Variants in CDC25C observed in about 807,000 individuals in gnomAD.
The protein encoded by CDC25C is cell division cycle 25C.
A neutral mutation model predicts 52.5 loss-of-function variants in CDC25C; 48 were observed. That is an observed-to-expected ratio of 0.91 (90% CI 0.72 to 1.16). The LOEUF (loss-of-function observed/expected upper bound fraction) is 1.16. Among genes scored for constraint, CDC25C ranks in the 50% most tolerant of loss-of-function variants. CDC25C has a pLI of 0.00. For missense variants in CDC25C, 510 were observed against 566.1 expected (o/e 0.90, Z 1.01); for synonymous variants, 187 against 206.5 (o/e 0.91, Z 0.81).
At chr5:138,286,677 C>G (rs1756269619) in intron 11 of CDC25C, 47 bp from the exon 12 acceptor site, 1 of 1,559,924 alleles carries the variant, frequency 6.4e-7, no homozygotes, top group Admixed American at 1.8e-5. Context: ...GGCTTATAGA[C>G]AGTGCCAATA....
At chr5:138,319,643 T>C (rs1158517184) in intron 6 of CDC25C, among the ~76,000 whole-genome samples, 1 of 152,184 alleles carries the variant, frequency 6.6e-6, no homozygotes, top group East Asian at 1.9e-4. Context: ...TTGCAAGTCT[T>C]ATATTTGATG....
At position 138,294,317 on chromosome 5, in the gene CDC25C, G is replaced by A. The variant is rs1287778967; in HGVS notation, c.616-2201C>T. On this transcript the variant is annotated intron_variant, in intron 7 of 13. Coordinates refer to ENST00000323760, the MANE Select transcript of CDC25C (RefSeq NM_001790.5). ...AGCAATTCTCCTGCCTCGGCCTCCC[G>A]AGTAGCTGGGATTACAGGTGCCTGC... Among the ~76,000 whole-genome samples the A allele has an allele frequency of 4.4e-4, 67 of 150,706 alleles. 1 individual carries two copies. Among genetic ancestry groups the A allele is most frequent in the African/African-American group, 1.5e-3 (63 of 40,956 alleles).
Position 138,311,703 on chromosome 5 carries a change from T to G in CDC25C, c.615+7516A>C, listed in dbSNP as rs77653161. 6.2e-3 allele frequency among the ~76,000 whole-genome samples: 946 copies of G among 152,218 alleles called. 18 individuals carry two copies. The highest frequency in any genetic ancestry group is 0.022 in the African/African-American group (918 of 41,538). Reference sequence around the variant, plus strand: ...CAAGCAACAAAAAAAGTGGATAAATTAGACTTCATCAAAATTAAAAACTTT... The same window carrying G: ...CAAGCAACAAAAAAAGTGGATAAATGAGACTTCATCAAAATTAAAAACTTT... On this transcript the variant is annotated intron_variant, in intron 7 of 13. Coordinates refer to ENST00000323760, the MANE Select transcript of CDC25C (RefSeq NM_001790.5).
chr5:138,320,058 G>A (rs557666700), intron 6 of CDC25C, among the ~76,000 whole-genome samples: 45 of 152,206 alleles, frequency 3.0e-4, no homozygotes, highest in Non-Finnish European at 5.7e-4. Flanking sequence ...TGTAATCCCA[G>A]TACTTCGGGA....
At chr5:138,297,678 G>A (rs902975607) in intron 7 of CDC25C, among the ~76,000 whole-genome samples, 4 of 152,088 alleles carry the variant, frequency 2.6e-5, no homozygotes, top group African/African-American at 7.2e-5. Context: ...AGCTTGATAC[G>A]TTTTGAGTAC....
chr5:138,318,394 A>C (rs1229809844), intron 7 of CDC25C, among the ~76,000 whole-genome samples: 1 of 152,110 alleles, frequency 6.6e-6, no homozygotes, highest in African/African-American at 2.4e-5. Context: ...TGACTCATAC[A>C]TATCAGGCAT....
chr5:138,285,826 G>A lies in CDC25C; in HGVS notation c.1288C>T (p.Gln430Ter). Residue 430 changes from glutamine to a stop codon, truncating the protein, a stop_gained, in exon 14 of 14, where the codon CAG (glutamine) becomes TAG (stop). Coordinates refer to ENST00000323760, the MANE Select transcript of CDC25C (RefSeq NM_001790.5). LOFTEE classifies it high-confidence loss of function. ...FPEYMELCEP[Q>*]SYCPMHHQDH... The stretch of plus-strand genomic sequence containing the variant: ...TGATGATGCATAGGGCAGTAGCTCT[G>A]TGGTTCACACAGTTCCTGAAAGGTA... 3 of 1,614,184 alleles carry A rather than the reference G, an allele frequency of 1.9e-6. No individual in the cohort carries two copies. Among genetic ancestry groups the A allele is most frequent in the South Asian group, 1.1e-5 (1 of 91,080 alleles).
intron 7 of CDC25C, among the ~76,000 whole-genome samples, chr5:138,310,542 A>G (rs1044884671): frequency 3.3e-5 from 5 of 152,224 alleles, no homozygotes; most frequent in Non-Finnish European, 4.4e-5. Context: ...CGTATACTAC[A>G]ATAATTAAGC....
intron 7 of CDC25C, among the ~76,000 whole-genome samples, chr5:138,316,923 T>C (rs1390567287): frequency 2.0e-5 from 3 of 152,152 alleles, no homozygotes; most frequent in Non-Finnish European, 4.4e-5. Context: ...CCTCTACTTG[T>C]CTGCTTACCT....
At chr5:138,313,896 T>G (rs1412837899) in intron 7 of CDC25C, among the ~76,000 whole-genome samples, 1 of 152,166 alleles carries the variant, frequency 6.6e-6, no homozygotes, top group East Asian at 1.9e-4. Context: ...ATTATACTGT[T>G]GTCACCATTT....
chr5:138,326,077 T>C (rs754849933), intron 4 of CDC25C, 23 bp from the exon 5 acceptor site: 1 of 1,613,160 alleles, frequency 6.2e-7, no homozygotes, highest in African/African-American at 1.3e-5. Context: ...ACAAACTGCC[T>C]GTCAGGTTAG....
Position 138,286,030 on chromosome 5 carries a change from C to G in CDC25C, c.1264G>C (p.Glu422Gln). Residue 422 changes from glutamate to glutamine, a missense_variant, in exon 13 of 14, where the codon GAA becomes CAA. Coordinates refer to ENST00000323760, the MANE Select transcript of CDC25C (RefSeq NM_001790.5). Reference sequence around the variant, plus strand: ...CATGCCCCACCCTTTACCATATATTCTGGAAAGAAGTCTCTGTAGCCGCCT... The same window carrying G: ...CATGCCCCACCCTTTACCATATATTGTGGAAAGAAGTCTCTGTAGCCGCCT... ...LKGGYRDFFP[E>Q]YMELCEPQSY... The G allele has an allele frequency of 6.2e-7, 1 of 1,612,220 alleles. No homozygotes were observed. The highest frequency in any genetic ancestry group is 8.5e-7 in the Non-Finnish European group (1 of 1,178,370).
In CDC25C at chr5:138,319,333, G is replaced by A; in HGVS notation, c.501C>T (p.Gly167=). The A allele has an allele frequency of 6.2e-7, 1 of 1,613,190 alleles. No individual in the cohort carries two copies. Among genetic ancestry groups the A allele is most frequent in the South Asian group, 1.1e-5 (1 of 90,998 alleles). The part of the protein sequence containing the change: ...NLVDSEMKYL[G]SPITTVPKLD... ...ATTTTGGAACAGTAGTAATGGGACT[G>A]CCCAAATATTTCATTTCACTGTCCA... The change falls in exon 7 of 14, where the codon GGC becomes GGT. Residue 167 remains glycine (G), a synonymous_variant. Coordinates refer to ENST00000323760, the MANE Select transcript of CDC25C (RefSeq NM_001790.5).
Position 138,326,043 on chromosome 5 carries a change from T to C in CDC25C, c.347A>G (p.Gln116Arg), listed in dbSNP as rs1208831454. 1 of 1,614,228 alleles carries C rather than the reference T, an allele frequency of 6.2e-7. No homozygotes were observed. The highest frequency in any genetic ancestry group is 2.2e-5 in the East Asian group (1 of 44,884). The change falls in exon 5 of 14, where the codon CAG (glutamine) becomes CGG (arginine). Residue 116 changes from glutamine (Q) to arginine (R), a missense_variant. Gln to Arg is a conservative substitution (Grantham distance 43, BLOSUM62 1). Transcript: ENST00000323760. ...EVHLAGMNHD[Q>R]HLMKCSPAQL... ...CACTGGGCTACATTTCATTAGGTGC[T>C]GGTCATGATTCCTGCAGATTAAAAC...
At position 138,320,002 on chromosome 5, in the gene CDC25C, T is replaced by C. The variant is rs28826990; in HGVS notation, c.460-628A>G. Among the ~76,000 whole-genome samples the C allele has an allele frequency of 3.3e-3, 502 of 152,238 alleles. 3 individuals are homozygous for C. Among genetic ancestry groups the C allele is most frequent in the African/African-American group, 0.012 (481 of 41,554 alleles). On this transcript the variant is annotated intron_variant, in intron 6 of 13. Coordinates refer to ENST00000323760, the MANE Select transcript of CDC25C (RefSeq NM_001790.5). ...TCAAGCAATTCTACTTCTGAATATA[T>C]ACCCAAAAGAATTAAAAGCAGGGGC... is the stretch of plus-strand genomic sequence containing the variant.
At chr5:138,317,824 A>G (rs1466806905) in intron 7 of CDC25C, among the ~76,000 whole-genome samples, 2 of 152,196 alleles carry the variant, frequency 1.3e-5, no homozygotes, top group Non-Finnish European at 2.9e-5. Flanking sequence ...GGAAAGAAAA[A>G]AGGAAACAAA....
At chr5:138,325,520 C>G (rs781426415) in intron 6 of CDC25C, among the ~76,000 whole-genome samples, 4 of 152,034 alleles carry the variant, frequency 2.6e-5, no homozygotes, top group Non-Finnish European at 5.9e-5. Flanking sequence ...AACAAACAAA[C>G]AAAAAACTCC....
chr5:138,320,579 G>A (rs1234588297), intron 6 of CDC25C, among the ~76,000 whole-genome samples: 1 of 152,052 alleles, frequency 6.6e-6, no homozygotes, highest in Non-Finnish European at 1.5e-5. Context: ...CAGCACTATG[G>A]GAGGCTGAAG....
intron 7 of CDC25C, among the ~76,000 whole-genome samples, chr5:138,316,076 C>A (rs1255471069): frequency 6.6e-6 from 1 of 152,176 alleles, no homozygotes; most frequent in African/African-American, 2.4e-5. Context: ...CCGAGCCTCC[C>A]TGTGGTCTTG....
Sources: gnomAD v4.1 joint callset for allele counts (sites outside exome capture counted in the v4.1 genomes callset) on GRCh38, gnomAD v4.1.1 for gene constraint, MANE v1.5 for transcripts, NCBI Gene and HGNC (gene_info 2026-07-23, HGNC 2026-07-21) for gene names.